METTL15: variants seen among roughly 807,000 people sequenced by gnomAD.
The protein encoded by METTL15 is methyltransferase 15, mitochondrial 12S rRNA N4-cytidine, also known as 12S rRNA N(4)-cytidine methyltransferase METTL15.
A neutral mutation model predicts 38.3 loss-of-function variants in METTL15; 34 were observed. The observed-to-expected ratio is 0.89, with a 90% CI of 0.68 to 1.18. The LOEUF (loss-of-function observed/expected upper bound fraction) is 1.18. Ranked by LOEUF, METTL15 falls within the 50% of genes most tolerant of loss-of-function variation. The pLI is 0.00. For missense variants in METTL15, 438 were observed against 498.4 expected, an observed-to-expected ratio of 0.88 and a Z score of 1.15; for synonymous variants, 162 against 170.9, an observed-to-expected ratio of 0.95 and a Z score of 0.41.
intron 6 of METTL15, among the ~76,000 whole-genome samples, chr11:28,500,213 C>T (rs1851571125): frequency 6.6e-6 from 1 of 152,132 alleles, no homozygotes; most frequent in Non-Finnish European, 1.5e-5. Flanking sequence ...GGAGACTGTC[C>T]TCTTACTACT....
At chr11:28,498,672 C>T (rs1851556392) in intron 6 of METTL15, among the ~76,000 whole-genome samples, 1 of 152,186 alleles carries the variant, frequency 6.6e-6, no homozygotes, top group South Asian at 2.1e-4. Flanking sequence ...GCACTGCCTA[C>T]TTCCCACTGT....
At chr11:28,371,408 C>A (rs755053538) in intron 5 of METTL15, among the ~76,000 whole-genome samples, 32 of 151,838 alleles carry the variant, frequency 2.1e-4, no homozygotes, top group Non-Finnish European at 4.1e-4. Context: ...ATTCCAGTAC[C>A]ATGCTTATTT....
Position 28,302,049 on chromosome 11 carries a change from C to T in METTL15, c.778+5118C>T, listed in dbSNP as rs574824056. Among the ~76,000 whole-genome samples the T allele has an allele frequency of 4.6e-5, 7 of 152,132 alleles. No homozygotes were observed. In the South Asian group the frequency reaches 6.2e-4, roughly 14 times the overall value. On this transcript the variant is annotated intron_variant, in intron 6 of 6. Coordinates refer to ENST00000407364, the MANE Select transcript of METTL15 (RefSeq NM_001113528.2). ...TCAACCTCCTGAGTAGCTGGGACTA[C>T]GGGTGCCCAACATCACAGCAGGATA...
At chr11:28,126,986 A>C (rs1852515140) in intron 3 of METTL15, among the ~76,000 whole-genome samples, 1 of 152,114 alleles carries the variant, frequency 6.6e-6, no homozygotes, top group Non-Finnish European at 1.5e-5. Flanking sequence ...TCAAAGAGGA[A>C]AGGGAACATG....
intron 6 of METTL15, among the ~76,000 whole-genome samples, chr11:28,450,749 A>C (rs1564934878): frequency 6.6e-6 from 1 of 152,208 alleles, no homozygotes; most frequent in Non-Finnish European, 1.5e-5. Flanking sequence ...AATATTTTTT[A>C]TTAGAAACTC....
chr11:28,352,719 C>G (rs1850052604), intron 4 of METTL15, among the ~76,000 whole-genome samples: 1 of 152,118 alleles, frequency 6.6e-6, no homozygotes. Context: ...ATCTTCACCC[C>G]ACCCCCAAGG....
At chr11:28,186,951 C>T (rs1851517636) in intron 3 of METTL15, among the ~76,000 whole-genome samples, 1 of 150,932 alleles carries the variant, frequency 6.6e-6, no homozygotes, top group South Asian at 2.1e-4. Context: ...TTTCCTTAAT[C>T]ACATAATATA....
intron 3 of METTL15, among the ~76,000 whole-genome samples, chr11:28,350,264 T>C (rs1431054889): frequency 1.3e-5 from 2 of 152,220 alleles, no homozygotes; most frequent in Non-Finnish European, 2.9e-5. Context: ...GGATGATGGC[T>C]AAAATTCACA....
At position 28,309,353 on chromosome 11, in the gene METTL15, G is replaced by GT. The variant is rs1249612313; in HGVS notation, c.778+12428dup. Among the ~76,000 whole-genome samples, 5 of 152,196 alleles carry GT rather than the reference G, an allele frequency of 3.3e-5. No individual in the cohort carries two copies. The East Asian group carries it at 9.7e-4, about 29-fold the overall frequency. On this transcript the variant is annotated intron_variant, in intron 6 of 6. Transcript: ENST00000407364. The stretch of plus-strand genomic sequence containing the variant: ...ACTGTTCTTGGTTCCCAGCTAACTT[G>GT]TTTTTTCTCTTGGTCTATACCTGCC...
At chr11:28,120,230 G>A (rs975639548) in intron 3 of METTL15, among the ~76,000 whole-genome samples, 1 of 150,764 alleles carries the variant, frequency 6.6e-6, no homozygotes, top group African/African-American at 2.4e-5. Flanking sequence ...GGGATTACAG[G>A]TGTAAGCCAC....
chr11:28,156,628 G>C (rs2133731928), intron 3 of METTL15, among the ~76,000 whole-genome samples: 1 of 152,228 alleles, frequency 6.6e-6, no homozygotes, highest in South Asian at 2.1e-4. Flanking sequence ...AGAAGGGAAA[G>C]GGAATGAGAT....
chr11:28,407,314 G>A (rs4923537), intron 5 of METTL15, among the ~76,000 whole-genome samples: 4 of 152,184 alleles, frequency 2.6e-5, no homozygotes, highest in East Asian at 1.9e-4. Context: ...TGACAAATGG[G>A]ATCTAATTAA....
rs760001083 is a variant in METTL15, at chr11:28,330,426, G to T, written c.809G>T (p.Arg270Leu). Residue 270 changes from arginine (R) to leucine (L), a missense_variant, in exon 7 of 7, where the codon CGG becomes CTG. Physicochemically the swap from Arg to Leu is moderately radical, Grantham distance 102 (BLOSUM62 -2). Transcript: ENST00000407364. ...TTTCCTCCCTCTGCTATTTATACAC[G>T]GAAAGACTTACTACAGCGATCTACC... ...GAFPPSAIYT[R>L]KDLLQRSTHI... is the part of the protein sequence containing the mutation. 1.5e-4 allele frequency: 234 copies of T among 1,549,216 alleles called. No individual in the cohort carries two copies. Among genetic ancestry groups the T allele is most frequent in the Non-Finnish European group, 2.0e-4 (228 of 1,146,322 alleles).
intron 4 of METTL15, among the ~76,000 whole-genome samples, chr11:28,228,320 T>C (rs1853560774): frequency 6.6e-6 from 1 of 150,606 alleles, no homozygotes; most frequent in Non-Finnish European, 1.5e-5. Flanking sequence ...TCAGCTCTGC[T>C]ATTTACTCAC....
At chr11:28,137,150 TA>T (rs1475448629) in intron 3 of METTL15, among the ~76,000 whole-genome samples, 1 of 152,236 alleles carries the variant, frequency 6.6e-6, no homozygotes, top group African/African-American at 2.4e-5. Context: ...AGTGTGTTAA[TA>T]AAACCTTGTT....
At chr11:28,382,128 T>G (rs574115337) in intron 5 of METTL15, among the ~76,000 whole-genome samples, 2 of 152,282 alleles carry the variant, frequency 1.3e-5, no homozygotes, top group South Asian at 2.1e-4. Flanking sequence ...TCAGTTCTAG[T>G]AAAAAATCAG....
At chr11:28,232,414 T>A (rs970870431) in intron 4 of METTL15, among the ~76,000 whole-genome samples, 1 of 151,844 alleles carries the variant, frequency 6.6e-6, no homozygotes, top group Non-Finnish European at 1.5e-5. Context: ...TTTTGAATAA[T>A]GCTAGTCTGT....
intron 2 of METTL15, among the ~76,000 whole-genome samples, chr11:28,110,756 C>T (rs958755305): frequency 2.0e-5 from 3 of 152,098 alleles, no homozygotes; most frequent in Admixed American, 6.5e-5. Flanking sequence ...TTGTTAGAGC[C>T]CTTGAGGGAG....
intron 3 of METTL15, among the ~76,000 whole-genome samples, chr11:28,343,823 T>G (rs1022731070): frequency 3.3e-5 from 5 of 152,176 alleles, no homozygotes; most frequent in Non-Finnish European, 7.3e-5. Context: ...AAAAAGTGCT[T>G]CTTGTTCTTG....
Sources: allele counts gnomAD v4.1 joint callset (sites outside exome capture counted in the v4.1 genomes callset), GRCh38; gene constraint gnomAD v4.1.1; transcripts MANE v1.5; gene names NCBI Gene and HGNC (gene_info 2026-07-23, HGNC 2026-07-21).